ZFPM2: variants seen among roughly 807,000 people sequenced by gnomAD.
ZFPM2 encodes the protein zinc finger protein ZFPM2.
In ZFPM2, 20 loss-of-function variants were observed where a neutral mutation model predicts 98.6. The observed-to-expected ratio is 0.20, with a 90% CI of 0.14 to 0.29. The LOEUF (loss-of-function observed/expected upper bound fraction) is 0.29, where lower values mean the gene tolerates loss of function less well. Ranked by LOEUF, ZFPM2 falls within the 10% of genes least tolerant of loss-of-function variation. The probability of loss-of-function intolerance (pLI) is 1.00; values close to 1 mark genes in which losing one functional copy is unlikely to be tolerated. For missense variants in ZFPM2, 1,310 were observed against 1,388.6 expected (o/e 0.94, Z 0.90); for synonymous variants, 518 against 502.7 (o/e 1.03, Z -0.41).
chr8:105,572,593 G>A (rs1379307876), intron 4 of ZFPM2, among the ~76,000 whole-genome samples: 2 of 151,876 alleles, frequency 1.3e-5, no homozygotes, highest in African/African-American at 4.8e-5. Flanking sequence ...TCAGCCTCTC[G>A]AGTAGCTGGG....
At chr8:105,464,761 A>T (rs1296745395) in intron 3 of ZFPM2, among the ~76,000 whole-genome samples, 3 of 152,022 alleles carry the variant, frequency 2.0e-5, no homozygotes, top group Non-Finnish European at 4.4e-5. Context: ...GAAGGGAAAA[A>T]AACCTGCCTC....
intron 4 of ZFPM2, among the ~76,000 whole-genome samples, chr8:105,567,339 GA>G (rs1452698139): frequency 6.6e-6 from 1 of 152,170 alleles, no homozygotes; most frequent in Non-Finnish European, 1.5e-5. Context: ...AAGTGCTGGA[GA>G]TTTCCTATTC....
At chr8:105,508,861 ATT>A (rs149479285) in intron 3 of ZFPM2, among the ~76,000 whole-genome samples, 7,684 of 136,292 alleles carry the variant, frequency 0.056, 565 homozygotes, top group African/African-American at 0.17. Flanking sequence ...AAAAAAAAAA[ATT>A]TTTTTTTTAA....
At chr8:105,729,239 T>A (rs2131010779) in intron 5 of ZFPM2, among the ~76,000 whole-genome samples, 1 of 151,858 alleles carries the variant, frequency 6.6e-6, no homozygotes, top group South Asian at 2.1e-4. Context: ...GGATGCACTT[T>A]ACCAAGTAGA....
At chr8:105,436,377 G>T (rs562223545) in intron 2 of ZFPM2, among the ~76,000 whole-genome samples, 1 of 151,936 alleles carries the variant, frequency 6.6e-6, no homozygotes, top group Non-Finnish European at 1.5e-5. Context: ...AAGTTGACTG[G>T]GTGTGGTGGT....
chr8:105,321,690 G>A (rs993748550), intron 1 of ZFPM2, among the ~76,000 whole-genome samples: 10 of 151,692 alleles, frequency 6.6e-5, no homozygotes, highest in African/African-American at 1.7e-4. Context: ...TTTCCCCTTG[G>A]GTGCTCTCCG....
At chr8:105,412,139 A>G (rs1041848718) in intron 1 of ZFPM2, among the ~76,000 whole-genome samples, 8 of 151,840 alleles carry the variant, frequency 5.3e-5, no homozygotes, top group African/African-American at 1.9e-4. Context: ...AGCAAAGAAT[A>G]TTACTCCATT....
At chr8:105,683,548 A>G (rs1032837799) in intron 5 of ZFPM2, among the ~76,000 whole-genome samples, 1 of 152,104 alleles carries the variant, frequency 6.6e-6, no homozygotes, top group African/African-American at 2.4e-5. Flanking sequence ...ACAAGCAGCC[A>G]TTCACCAGCC....
chr8:105,563,291 T>A (rs1815177677), intron 4 of ZFPM2, among the ~76,000 whole-genome samples: 1 of 152,214 alleles, frequency 6.6e-6, no homozygotes. Flanking sequence ...ACAGAGGTTG[T>A]TGGTTCAACT....
intron 1 of ZFPM2, among the ~76,000 whole-genome samples, chr8:105,390,820 T>C (rs1162406212): frequency 1.3e-5 from 2 of 152,210 alleles, no homozygotes; most frequent in Non-Finnish European, 2.9e-5. Flanking sequence ...TAGCTTAAAT[T>C]GATCATATTT....
At chr8:105,800,979 A>T in intron 7 of ZFPM2, 68 bp from the exon 8 acceptor site, 1 of 1,429,294 alleles carries the variant, frequency 7.0e-7, no homozygotes, top group Non-Finnish European at 9.6e-7. Flanking sequence ...GGTCATTAGA[A>T]AAGGTCCCTG....
chr8:105,643,908 C>A (rs943657810), intron 5 of ZFPM2, among the ~76,000 whole-genome samples: 7 of 152,178 alleles, frequency 4.6e-5, no homozygotes, highest in Non-Finnish European at 8.8e-5. Context: ...TGACCCATGA[C>A]CTGTTTTTGT....
intron 5 of ZFPM2, among the ~76,000 whole-genome samples, chr8:105,745,089 C>A (rs1334391706): frequency 6.6e-6 from 1 of 152,142 alleles, no homozygotes; most frequent in Non-Finnish European, 1.5e-5. Flanking sequence ...TACCCCATCT[C>A]AGCTCTGTAG....
At position 105,798,747 on chromosome 8, in the gene ZFPM2, T is replaced by C; in HGVS notation, c.763T>C (p.Cys255Arg). The change falls in exon 7 of 8, where the codon TGT becomes CGT. Residue 255 changes from cysteine to arginine, a missense_variant. Transcript: ENST00000407775. ...AGAGGATATATTCCCTTGCAAGTCC[T>C]GTGGCATCTGGTATCGGAGTGAGCG... ...VNKDIFPCKSCGIWYRSERNL... is the reference protein window; with the variant it reads ...VNKDIFPCKSRGIWYRSERNL... 2 of 1,613,846 alleles carry C rather than the reference T, an allele frequency of 1.2e-6. No homozygotes were observed. Among genetic ancestry groups the C allele is most frequent in the South Asian group, 1.1e-5 (1 of 91,080 alleles).
At chr8:105,613,063 T>C (rs748457924) in intron 4 of ZFPM2, among the ~76,000 whole-genome samples, 12 of 152,154 alleles carry the variant, frequency 7.9e-5, no homozygotes, top group Admixed American at 1.3e-4. Flanking sequence ...TGTTGATTGG[T>C]TTATTTGATT....
intron 4 of ZFPM2, among the ~76,000 whole-genome samples, chr8:105,623,953 A>T (rs143492561): frequency 1.3e-5 from 2 of 152,342 alleles, no homozygotes; most frequent in East Asian, 3.9e-4. Flanking sequence ...TTAAGTAAGT[A>T]TAAGCTCAAT....
intron 5 of ZFPM2, among the ~76,000 whole-genome samples, chr8:105,661,607 A>G (rs188657551): frequency 2.0e-5 from 3 of 152,310 alleles, no homozygotes; most frequent in South Asian, 2.1e-4. Context: ...TATAGTTTCA[A>G]TAAAGGCTTC....
At chr8:105,710,253 T>G (rs1481191477) in intron 5 of ZFPM2, among the ~76,000 whole-genome samples, 1 of 152,180 alleles carries the variant, frequency 6.6e-6, no homozygotes, top group Non-Finnish European at 1.5e-5. Context: ...TTATGCAACA[T>G]GTCTAATGTG....
chr8:105,318,928 C>G lies in ZFPM2; in HGVS notation c.-14C>G. 3.5e-6 allele frequency: 5 copies of G among 1,419,046 alleles called. No homozygotes were observed. Among genetic ancestry groups the G allele is most frequent in the South Asian group, 1.4e-5 (1 of 70,650 alleles). 87.9% of individuals were successfully genotyped at this position (1,419,046 alleles called of 1,614,324 possible). The stretch of plus-strand genomic sequence containing the variant: ...GGCACCGCGGGAGCCCCAGCGGCAG[C>G]AGCCGCCGCCGAGATGTCCCGGCGA... On this transcript the variant is annotated 5_prime_UTR_variant, in exon 1 of 8. Coordinates refer to ENST00000407775, the MANE Select transcript of ZFPM2 (RefSeq NM_012082.4).
Sources: allele counts gnomAD v4.1 joint callset (sites outside exome capture counted in the v4.1 genomes callset), GRCh38; gene constraint gnomAD v4.1.1; transcripts MANE v1.5; gene names NCBI Gene and HGNC (gene_info 2026-07-23, HGNC 2026-07-21).